Variants in LRRC7 observed in about 807,000 individuals in gnomAD.
LRRC7 encodes the protein leucine rich repeat containing 7, also known as leucine-rich repeat-containing protein 7.
LRRC7 carries 23 observed loss-of-function variants against 175.7 expected under a neutral mutation model. The observed-to-expected ratio is 0.13, with a 90% confidence interval of 0.09 to 0.19. The LOEUF (loss-of-function observed/expected upper bound fraction) is 0.19. Among genes scored for constraint, LRRC7 ranks in the 10% least tolerant of loss-of-function variants. The pLI, the probability that LRRC7 is intolerant of heterozygous loss-of-function variation, is 1.00. For synonymous variants in LRRC7, 685 were observed against 680.9 expected, an observed-to-expected ratio of 1.01 and a Z score of -0.09; for missense variants, 1,354 against 1,904.7, an observed-to-expected ratio of 0.71 and a Z score of 5.38.
intron 4 of LRRC7, among the ~76,000 whole-genome samples, chr1:69,816,028 T>A (rs916811149): frequency 1.3e-5 from 2 of 152,008 alleles, no homozygotes; most frequent in African/African-American, 4.8e-5. Context: ...TCGCCCAGGC[T>A]GGGGTGCAGT....
intron 11 of LRRC7, among the ~76,000 whole-genome samples, chr1:69,995,664 T>C (rs960217395): frequency 6.6e-6 from 1 of 152,060 alleles, no homozygotes; most frequent in Non-Finnish European, 1.5e-5. Context: ...TTTGGTTTTT[T>C]GTTCTTGCGA....
chr1:70,065,015 A>G (rs1015661203), intron 23 of LRRC7, among the ~76,000 whole-genome samples: 6 of 151,956 alleles, frequency 3.9e-5, no homozygotes, highest in African/African-American at 1.4e-4. Flanking sequence ...TATTCTCTGC[A>G]ATTTCTGTTA....
intron 11 of LRRC7, among the ~76,000 whole-genome samples, chr1:70,001,178 A>G (rs1027069190): frequency 6.6e-6 from 1 of 152,188 alleles, no homozygotes. Flanking sequence ...TGATTCCATT[A>G]TAGTTGTTGT....
At chr1:69,813,968 G>C (rs920567403) in intron 4 of LRRC7, among the ~76,000 whole-genome samples, 2 of 151,962 alleles carry the variant, frequency 1.3e-5, no homozygotes. Context: ...TCAAAACAAA[G>C]TTATATCTTA....
Position 70,138,347 on chromosome 1 carries a change from T to TA in LRRC7, c.*16466dup, listed in dbSNP as rs1403107912. On this transcript the variant is annotated 3_prime_UTR_variant, in exon 27 of 27. Transcript: ENST00000651989. ...TTGTCAACATGGAGAAGCCACCTTT[T>TA]AAAAAAGATCAGTTCTGTAAAGCAT... 1 of 152,186 alleles carries TA rather than the reference T, an allele frequency of 6.6e-6. No individual in the cohort carries two copies. Among genetic ancestry groups the TA allele is most frequent in the African/African-American group, 2.4e-5 (1 of 41,444 alleles). The allele number at this position is 152,186 out of a possible 1,614,324, so 9.4% of individuals were successfully genotyped here. A position where few individuals can be genotyped will look rare whatever the true frequency, so the allele number is the denominator to read the frequency against.
At chr1:70,120,494 CAT>C (rs1040917591) in intron 26 of LRRC7, among the ~76,000 whole-genome samples, 2 of 151,910 alleles carry the variant, frequency 1.3e-5, no homozygotes, top group African/African-American at 4.8e-5. Context: ...TATAATGTAT[CAT>C]ATAACTTTCA....
At chr1:70,055,269 G>T in intron 23 of LRRC7, among the ~76,000 whole-genome samples, 1 of 152,174 alleles carries the variant, frequency 6.6e-6, no homozygotes, top group East Asian at 1.9e-4. Flanking sequence ...GCAGAAGCCG[G>T]ATCATGCTGG....
intron 8 of LRRC7, among the ~76,000 whole-genome samples, chr1:69,950,761 G>A (rs1649828606): frequency 6.6e-6 from 1 of 151,778 alleles, no homozygotes; most frequent in Non-Finnish European, 1.5e-5. Flanking sequence ...AAACAGAGGA[G>A]GAAAAGAATA....
intron 5 of LRRC7, among the ~76,000 whole-genome samples, chr1:69,826,451 T>G (rs931002975): frequency 6.6e-6 from 1 of 152,056 alleles, no homozygotes. Flanking sequence ...ATTGAGCATA[T>G]GGAGTAGTGA....
intron 8 of LRRC7, among the ~76,000 whole-genome samples, chr1:69,953,387 C>G (rs897616893): frequency 6.6e-6 from 1 of 151,960 alleles, no homozygotes; most frequent in African/African-American, 2.4e-5. Context: ...ATAATCTTCC[C>G]CTCCTCTAAA....
Position 69,892,330 on chromosome 1 carries a change from G to A in LRRC7, c.648-39177G>A, listed in dbSNP as rs1201048067. 5.3e-5 allele frequency among the ~76,000 whole-genome samples: 8 copies of A among 152,262 alleles called. No homozygotes were observed. The South Asian group carries it at 1.0e-3, about 20-fold the overall frequency. On this transcript the variant is annotated intron_variant, in intron 7 of 26. Transcript: ENST00000651989. ...AGTGGAAAGGTAGGGTGAGGAGTTT[G>A]GACCTCACTAAGTGGTAACTCTTAA...
chr1:69,950,464 A>G (rs551457400), intron 8 of LRRC7, among the ~76,000 whole-genome samples: 2 of 152,270 alleles, frequency 1.3e-5, no homozygotes, highest in African/African-American at 2.4e-5. Flanking sequence ...AGAAAATTAA[A>G]CTGAAATAAG....
intron 8 of LRRC7, among the ~76,000 whole-genome samples, chr1:69,968,821 T>C (rs1651922420): frequency 6.7e-6 from 1 of 150,118 alleles, no homozygotes; most frequent in South Asian, 2.2e-4. Flanking sequence ...TTGTTTTTTG[T>C]TTTTGTTTTT....
At chr1:69,616,195 C>T (rs10489550) in intron 1 of LRRC7, among the ~76,000 whole-genome samples, 12 of 151,720 alleles carry the variant, frequency 7.9e-5, no homozygotes, top group Admixed American at 2.6e-4. Context: ...GTAATCATAA[C>T]GCAGTAAATA....
chr1:69,922,687 T>TA (rs1557891652), intron 7 of LRRC7, among the ~76,000 whole-genome samples: 2 of 152,296 alleles, frequency 1.3e-5, no homozygotes, highest in East Asian at 3.9e-4. Flanking sequence ...ATCTCAAAAT[T>TA]ACCACTAATC....
chr1:70,037,180 T>C (rs1370214872), intron 20 of LRRC7, among the ~76,000 whole-genome samples: 1 of 152,188 alleles, frequency 6.6e-6, no homozygotes, highest in Non-Finnish European at 1.5e-5. Flanking sequence ...AATAAGGCAA[T>C]GTTTTCCCAG....
chr1:69,690,087 C>T (rs1661649659), intron 2 of LRRC7, among the ~76,000 whole-genome samples: 1 of 152,128 alleles, frequency 6.6e-6, no homozygotes, highest in Non-Finnish European at 1.5e-5. Flanking sequence ...ACATCGTAAG[C>T]TCTTCTATGG....
At chr1:70,088,260 TA>T (rs1469258875) in intron 24 of LRRC7, among the ~76,000 whole-genome samples, 1 of 152,128 alleles carries the variant, frequency 6.6e-6, no homozygotes, top group Admixed American at 6.6e-5. Context: ...ACTCTGTACT[TA>T]AAAGTTGTAA....
At chr1:70,068,393 G>T (rs61784279) in intron 23 of LRRC7, among the ~76,000 whole-genome samples, 23,339 of 152,064 alleles carry the variant, frequency 0.15, 2,856 homozygotes, top group African/African-American at 0.33. Flanking sequence ...TTCATATGGT[G>T]CATTACACTG....
Sources: allele counts gnomAD v4.1 joint callset (sites outside exome capture counted in the v4.1 genomes callset), GRCh38; gene constraint gnomAD v4.1.1; transcripts MANE v1.5; gene names NCBI Gene and HGNC (gene_info 2026-07-23, HGNC 2026-07-21).